Variants in ITFG1 observed in about 807,000 individuals in gnomAD.
ITFG1 encodes the protein T-cell immunomodulatory protein.
ITFG1 carries 34 observed loss-of-function variants against 81.8 expected under a neutral mutation model. That is an observed-to-expected ratio of 0.42 (90% CI 0.32 to 0.55). The LOEUF (loss-of-function observed/expected upper bound fraction) is 0.55, where lower values mean the gene tolerates loss of function less well. Among genes scored for constraint, ITFG1 ranks in the 20% least tolerant of loss-of-function variants. The probability of loss-of-function intolerance (pLI) is 0.17; values close to 1 mark genes in which losing one functional copy is unlikely to be tolerated. For synonymous variants in ITFG1, 285 were observed against 270.6 expected (o/e 1.05, Z -0.52); for missense variants, 672 against 755.4 (o/e 0.89, Z 1.29).
intron 8 of ITFG1, among the ~76,000 whole-genome samples, chr16:47,362,187 C>T (rs1156548027): frequency 1.3e-5 from 2 of 152,234 alleles, no homozygotes; most frequent in Non-Finnish European, 2.9e-5. Flanking sequence ...TGATGTAGTC[C>T]AGCTCCGGCT....
At chr16:47,368,646 C>T (rs1236921941) in intron 7 of ITFG1, among the ~76,000 whole-genome samples, 4 of 144,346 alleles carry the variant, frequency 2.8e-5, no homozygotes, top group Non-Finnish European at 6.0e-5. Flanking sequence ...ATGGAAAAAT[C>T]TCTCTTAAAA....
chr16:47,419,407 T>C (rs1968914455), intron 6 of ITFG1, among the ~76,000 whole-genome samples: 1 of 152,040 alleles, frequency 6.6e-6, no homozygotes, highest in Non-Finnish European at 1.5e-5. Context: ...CAGCTGGGAC[T>C]GCAAGAGCAT....
At chr16:47,376,731 T>C (rs1227323247) in intron 6 of ITFG1, among the ~76,000 whole-genome samples, 1 of 152,168 alleles carries the variant, frequency 6.6e-6, no homozygotes, top group Non-Finnish European at 1.5e-5. Context: ...CTCACGCCTA[T>C]AATCGCAGCA....
At chr16:47,288,947 G>A (rs1298392764) in intron 10 of ITFG1, among the ~76,000 whole-genome samples, 1 of 152,158 alleles carries the variant, frequency 6.6e-6, no homozygotes, top group African/African-American at 2.4e-5. Flanking sequence ...TACAGGAAAA[G>A]CTTCCAACTT....
At chr16:47,438,501 A>G (rs956493242) in intron 5 of ITFG1, among the ~76,000 whole-genome samples, 4 of 152,180 alleles carry the variant, frequency 2.6e-5, no homozygotes, top group African/African-American at 9.7e-5. Flanking sequence ...CAGAGGAATG[A>G]TCAGGCAGCA....
chr16:47,369,833 CTTTTTTTTTTTTT>C lies in ITFG1; in HGVS notation c.721-3977_721-3965del, dbSNP rs71134539. ...TCCTATTCAGAATATTCAATATCCT[CTTTTTTTTTTTTT>C]TTTTTTTTTTTGAGATGGAGTCTTG... On this transcript the variant is annotated intron_variant, in intron 7 of 17. Coordinates refer to ENST00000320640, the MANE Select transcript of ITFG1 (RefSeq NM_030790.5). Among the ~76,000 whole-genome samples, 37 of 51,730 alleles carry C rather than the reference CTTTTTTTTTTTTT, an allele frequency of 7.2e-4. No individual in the cohort carries two copies. The South Asian group carries it at 0.036, about 51-fold the overall frequency. 33.9% of individuals were successfully genotyped at this position (51,730 alleles called of 152,430 possible). A position where few individuals can be genotyped will look rare whatever the true frequency, so the allele number is the denominator to read the frequency against.
chr16:47,398,771 T>C (rs1202408731), intron 6 of ITFG1, among the ~76,000 whole-genome samples: 1 of 152,248 alleles, frequency 6.6e-6, no homozygotes, highest in Non-Finnish European at 1.5e-5. Context: ...TTATTCCTTC[T>C]CTAGTGTACC....
intron 10 of ITFG1, among the ~76,000 whole-genome samples, chr16:47,285,460 A>G (rs779361262): frequency 2.0e-5 from 3 of 152,192 alleles, no homozygotes; most frequent in Non-Finnish European, 4.4e-5. Flanking sequence ...AAATTAACTC[A>G]TACCAAAGGA....
At chr16:47,217,540 G>A (rs1037438682) in intron 14 of ITFG1, among the ~76,000 whole-genome samples, 6 of 152,126 alleles carry the variant, frequency 3.9e-5, no homozygotes, top group African/African-American at 1.2e-4. Context: ...GGTTTAATAT[G>A]TACATGAATT....
At chr16:47,429,116 A>C (rs928493360) in intron 5 of ITFG1, among the ~76,000 whole-genome samples, 1 of 152,174 alleles carries the variant, frequency 6.6e-6, no homozygotes, top group Non-Finnish European at 1.5e-5. Flanking sequence ...CATCACACCA[A>C]AAAAGAAATT....
At position 47,353,950 on chromosome 16, in the gene ITFG1, G is replaced by T. The variant is rs538356496; in HGVS notation, c.802+11838C>A. 8.0e-4 allele frequency among the ~76,000 whole-genome samples: 121 copies of T among 152,036 alleles called. 1 individual carries two copies. The highest frequency in any genetic ancestry group is 6.8e-3 in the Middle Eastern group (2 of 294). On this transcript the variant is annotated intron_variant, in intron 8 of 17. Transcript: ENST00000320640. ...CAAGAATTCATAAATATAACCAAAG[G>T]AATATGGTTAAAATGACCACACTAC...
At chr16:47,214,962 G>A (rs758324198) in intron 14 of ITFG1, among the ~76,000 whole-genome samples, 19 of 129,984 alleles carry the variant, frequency 1.5e-4, no homozygotes, top group African/African-American at 2.0e-4. Flanking sequence ...ACACACACAC[G>A]CACGCACAAC....
At chr16:47,303,466 C>T (rs1411507979) in intron 10 of ITFG1, among the ~76,000 whole-genome samples, 2 of 145,226 alleles carry the variant, frequency 1.4e-5, no homozygotes, top group Non-Finnish European at 3.0e-5. Flanking sequence ...AAAACAGTTA[C>T]CCAATATAGC....
intron 8 of ITFG1, among the ~76,000 whole-genome samples, chr16:47,348,838 C>G (rs1175468215): frequency 1.3e-5 from 2 of 152,184 alleles, no homozygotes; most frequent in East Asian, 1.9e-4. Flanking sequence ...CAAAGGGAAG[C>G]CCATCAGACT....
chr16:47,204,063 C>A, intron 14 of ITFG1, among the ~76,000 whole-genome samples: 1 of 152,064 alleles, frequency 6.6e-6, no homozygotes, highest in East Asian at 1.9e-4. Flanking sequence ...CAATTTAAAA[C>A]AAAAATGAAA....
At chr16:47,433,177 T>C (rs1465623813) in intron 5 of ITFG1, among the ~76,000 whole-genome samples, 1 of 152,216 alleles carries the variant, frequency 6.6e-6, no homozygotes, top group Non-Finnish European at 1.5e-5. Flanking sequence ...CAAATGTTTA[T>C]TTCAAAGGAA....
chr16:47,444,840 C>T (rs563537035), intron 5 of ITFG1, among the ~76,000 whole-genome samples: 14 of 152,056 alleles, frequency 9.2e-5, no homozygotes, highest in Non-Finnish European at 1.2e-4. Flanking sequence ...AATGATCTGT[C>T]CTGGGATACA....
At chr16:47,210,335 T>G (rs1407781888) in intron 14 of ITFG1, among the ~76,000 whole-genome samples, 1 of 152,194 alleles carries the variant, frequency 6.6e-6, no homozygotes, top group East Asian at 1.9e-4. Context: ...TACCTATGTA[T>G]CTTCTTCAGT....
At chr16:47,445,579 A>G (rs1969314832) in intron 5 of ITFG1, among the ~76,000 whole-genome samples, 1 of 152,188 alleles carries the variant, frequency 6.6e-6, no homozygotes, top group East Asian at 1.9e-4. Flanking sequence ...CCCATCTCAC[A>G]TGCTCTTTTG....
Sources: allele counts gnomAD v4.1 joint callset (sites outside exome capture counted in the v4.1 genomes callset), GRCh38; gene constraint gnomAD v4.1.1; transcripts MANE v1.5; gene names NCBI Gene and HGNC (gene_info 2026-07-23, HGNC 2026-07-21).